SLC44A5: variants seen among roughly 807,000 people sequenced by gnomAD.
SLC44A5 encodes choline transporter-like protein 5.
Under a neutral mutation model 101.8 loss-of-function variants are expected in SLC44A5, and 57 were observed. The ratio of observed to expected loss-of-function variants is 0.56; its 90% confidence interval spans 0.45 to 0.70. The LOEUF is 0.70. SLC44A5 is among the 30% of genes least tolerant of loss of function. The pLI, the probability that SLC44A5 is intolerant of heterozygous loss-of-function variation, is 0.00. For missense variants in SLC44A5, 737 were observed against 853.1 expected, an observed-to-expected ratio of 0.86 and a Z score of 1.70; for synonymous variants, 281 against 290.9, an observed-to-expected ratio of 0.97 and a Z score of 0.35.
At chr1:75,517,714 A>G (rs1669913977) in intron 2 of SLC44A5, among the ~76,000 whole-genome samples, 2 of 152,210 alleles carry the variant, frequency 1.3e-5, no homozygotes, top group Admixed American at 1.3e-4. Flanking sequence ...AGAAAAGTAG[A>G]AAGCAAATAA....
the SLC44A5 span, among the ~76,000 whole-genome samples, chr1:75,699,504 G>A: frequency 0.012 from 1,815 of 150,990 alleles, 35 homozygotes; most frequent in African/African-American, 0.043. Flanking sequence ...TGAAGGAAGC[G>A]CTAAACATGG....
At chr1:75,540,602 C>T (rs1671307666) in intron 2 of SLC44A5, among the ~76,000 whole-genome samples, 1 of 152,240 alleles carries the variant, frequency 6.6e-6, no homozygotes, top group Non-Finnish European at 1.5e-5. Flanking sequence ...TTTTTAATAA[C>T]TCTTAATCTT....
At chr1:75,248,763 C>A (rs1308718167) in intron 7 of SLC44A5, among the ~76,000 whole-genome samples, 1 of 152,066 alleles carries the variant, frequency 6.6e-6, no homozygotes, top group Admixed American at 6.6e-5. Context: ...TCTCCAAGAA[C>A]ACACAGCTGC....
At chr1:75,454,669 C>T (rs1024421870) in intron 2 of SLC44A5, among the ~76,000 whole-genome samples, 5 of 151,986 alleles carry the variant, frequency 3.3e-5, no homozygotes, top group Admixed American at 6.6e-5. Context: ...GGCTCCTAGA[C>T]CTGATAAACA....
chr1:75,417,921 T>A (rs1936358), intron 2 of SLC44A5, among the ~76,000 whole-genome samples: 29,709 of 152,144 alleles, frequency 0.2, 4,161 homozygotes, highest in East Asian at 0.81. Context: ...TTGTAGTAAC[T>A]AAAAAGCAAT....
chr1:75,387,966 A>G (rs549911307), intron 3 of SLC44A5, among the ~76,000 whole-genome samples: 20 of 148,578 alleles, frequency 1.3e-4, no homozygotes, highest in Non-Finnish European at 1.8e-4. Context: ...CAAGAACAAA[A>G]AACCAAACAC....
the SLC44A5 span, among the ~76,000 whole-genome samples, chr1:75,652,073 C>G: frequency 2.0e-5 from 3 of 152,070 alleles, no homozygotes; most frequent in Admixed American, 2.0e-4. Context: ...GGTAGATAAC[C>G]TTCCTCTGGG....
chr1:75,341,049 A>G (rs1265104396), intron 3 of SLC44A5, among the ~76,000 whole-genome samples: 1 of 152,248 alleles, frequency 6.6e-6, no homozygotes, highest in Non-Finnish European at 1.5e-5. Context: ...AGAGCCAAAG[A>G]GTCCTATTAA....
chr1:75,533,373 T>A (rs1439475420), intron 2 of SLC44A5, among the ~76,000 whole-genome samples: 1 of 152,226 alleles, frequency 6.6e-6, no homozygotes, highest in Non-Finnish European at 1.5e-5. Flanking sequence ...TCATTAATTA[T>A]CCATGTTGTC....
chr1:75,217,537 C>T (rs1030199165), intron 18 of SLC44A5, among the ~76,000 whole-genome samples: 2 of 152,112 alleles, frequency 1.3e-5, no homozygotes, highest in African/African-American at 4.8e-5. Flanking sequence ...ATACTTGGAA[C>T]TGCCAACCTG....
chr1:75,723,620 T>C, the SLC44A5 span: 1 of 152,244 alleles, frequency 6.6e-6, no homozygotes, highest in African/African-American at 2.4e-5. Flanking sequence ...GAGACATGAA[T>C]AGACAATTCC....
chr1:75,301,811 G>A (rs1388582782), intron 4 of SLC44A5, among the ~76,000 whole-genome samples: 1 of 152,116 alleles, frequency 6.6e-6, no homozygotes, highest in Non-Finnish European at 1.5e-5. Flanking sequence ...CTTAAAGAAG[G>A]GGGCAAATAT....
At chr1:75,651,361 G>A in the SLC44A5 span, among the ~76,000 whole-genome samples, 1 of 152,236 alleles carries the variant, frequency 6.6e-6, no homozygotes, top group South Asian at 2.1e-4. Context: ...TAATTTAGTT[G>A]AAGTCTCTAC....
chr1:75,355,322 A>T (rs1306197976), intron 3 of SLC44A5, among the ~76,000 whole-genome samples: 7 of 152,226 alleles, frequency 4.6e-5, no homozygotes, highest in Non-Finnish European at 1.0e-4. Context: ...CAAGATACAA[A>T]AAGTTTATAT....
chr1:75,384,154 A>G (rs988129994), intron 3 of SLC44A5, among the ~76,000 whole-genome samples: 1 of 152,060 alleles, frequency 6.6e-6, no homozygotes, highest in Non-Finnish European at 1.5e-5. Context: ...TGAACTAACG[A>G]GCAAAATAAC....
the SLC44A5 span, among the ~76,000 whole-genome samples, chr1:75,706,124 G>GT: frequency 1.3e-5 from 2 of 152,080 alleles, no homozygotes; most frequent in African/African-American, 4.8e-5. Context: ...GTATTTCACT[G>GT]TTTTTTGATT....
At chr1:75,280,192 A>T (rs372232109) in intron 5 of SLC44A5, among the ~76,000 whole-genome samples, 2,925 of 3,064 alleles carry the variant, frequency 0.95, 1,417 homozygotes, top group Middle Eastern at 1. Flanking sequence ...TGTATATATT[A>T]TATATTGTAT....
chr1:75,646,596 G>A, the SLC44A5 span, among the ~76,000 whole-genome samples: 7 of 152,250 alleles, frequency 4.6e-5, no homozygotes, highest in East Asian at 1.2e-3. Flanking sequence ...GACATCATGG[G>A]AGGTAATTAG....
intron 2 of SLC44A5, among the ~76,000 whole-genome samples, chr1:75,484,306 A>G (rs1334183398): frequency 1.3e-5 from 2 of 152,220 alleles, no homozygotes; most frequent in African/African-American, 4.8e-5. Flanking sequence ...GCATTGGGTA[A>G]ATGTTTCCAT....
Sources: allele counts gnomAD v4.1 joint callset (sites outside exome capture counted in the v4.1 genomes callset), GRCh38; gene constraint gnomAD v4.1.1; transcripts MANE v1.5; gene names NCBI Gene and HGNC (gene_info 2026-07-23, HGNC 2026-07-21).